ABCC9: variants seen among roughly 807,000 people sequenced by gnomAD.
ABCC9 encodes ATP binding cassette subfamily C member 9, also known as ATP-binding cassette sub-family C member 9.
In ABCC9, 95 loss-of-function variants were observed where a neutral mutation model predicts 188.3. The observed-to-expected ratio is 0.50, with a 90% CI of 0.43 to 0.60. The LOEUF is 0.60. Among genes scored for constraint, ABCC9 ranks in the 20% least tolerant of loss-of-function variants. The pLI, the probability that ABCC9 is intolerant of heterozygous loss-of-function variation, is 0.00. For missense variants in ABCC9, 1,102 were observed against 1,876.3 expected (o/e 0.59, Z 7.62); for synonymous variants, 659 against 652.7 (o/e 1.01, Z -0.15).
chr12:21,846,540 A>G (rs11612085), intron 25 of ABCC9, among the ~76,000 whole-genome samples: 3 of 151,928 alleles, frequency 2.0e-5, no homozygotes, highest in African/African-American at 7.2e-5. Context: ...TACTATATAC[A>G]TATCAGGTTG....
intron 36 of ABCC9, among the ~76,000 whole-genome samples, chr12:21,810,447 A>C (rs1328983942): frequency 6.6e-6 from 1 of 152,164 alleles, no homozygotes. Flanking sequence ...GGTTTAATTG[A>C]CTTGCAGTTC....
chr12:21,827,130 A>G (rs1943428242), intron 31 of ABCC9: 1 of 985,436 alleles, frequency 1.0e-6, no homozygotes, highest in South Asian at 4.7e-5. Flanking sequence ...GTATTGGGTT[A>G]TGAGACAAAC....
chr12:21,882,030 G>A (rs1182723703), intron 16 of ABCC9, among the ~76,000 whole-genome samples: 1 of 152,156 alleles, frequency 6.6e-6, no homozygotes, highest in African/African-American at 2.4e-5. Flanking sequence ...GTGTCAAGGA[G>A]AGAGAGACCT....
At chr12:21,859,921 A>G (rs1487417471) in intron 21 of ABCC9, among the ~76,000 whole-genome samples, 1 of 152,204 alleles carries the variant, frequency 6.6e-6, no homozygotes, top group Non-Finnish European at 1.5e-5. Flanking sequence ...GTACAGAAGC[A>G]TTAATAACCA....
chr12:21,911,566 A>G (rs907998439), intron 8 of ABCC9, among the ~76,000 whole-genome samples: 7 of 152,150 alleles, frequency 4.6e-5, no homozygotes, highest in African/African-American at 1.7e-4. Context: ...AGGATATCCA[A>G]AATTGATTTT....
chr12:21,829,369 T>G (rs1244443068), intron 30 of ABCC9, among the ~76,000 whole-genome samples: 1 of 151,774 alleles, frequency 6.6e-6, no homozygotes, highest in Non-Finnish European at 1.5e-5. Context: ...GCCCGGCTAA[T>G]TTTTTGTATT....
In ABCC9 at chr12:21,818,388, C is replaced by T. The variant is rs555394342; in HGVS notation, c.3670-137G>A. ...CTGTTAAGTTTCAGAGGAAGAATAC[C>T]TAAGATGTAGAAGAATAATAGCTTG... On this transcript the variant is annotated intron_variant, in intron 31 of 39. Transcript: ENST00000261200. The T allele has an allele frequency of 3.6e-5, 26 of 722,886 alleles. 1 individual carries two copies. Among genetic ancestry groups the T allele is most frequent in the African/African-American group, 3.0e-4 (17 of 57,312 alleles). The allele number at this position is 722,886 out of a possible 1,614,324, so 44.8% of individuals were successfully genotyped here.
At chr12:21,939,862 AC>A (rs1379014698) in intron 2 of ABCC9, among the ~76,000 whole-genome samples, 4 of 152,216 alleles carry the variant, frequency 2.6e-5, no homozygotes, top group Non-Finnish European at 5.9e-5. Context: ...TATCTAACTT[AC>A]GATTTCATGG....
At chr12:21,906,052 A>G (rs746525462) in intron 12 of ABCC9, 74 bp downstream of exon 12, 1 of 1,484,280 alleles carries the variant, frequency 6.7e-7, no homozygotes, top group Non-Finnish European at 9.4e-7. Flanking sequence ...ATTGATCACA[A>G]TCTAAACTGA....
chr12:21,845,064 C>G, intron 26 of ABCC9, 149 bp from the exon 27 acceptor site: 1 of 937,968 alleles, frequency 1.1e-6, no homozygotes, highest in Non-Finnish European at 1.6e-6. Flanking sequence ...TTTTTGAGGC[C>G]CAGGGTAGTA....
chr12:21,864,990 C>T (rs1333830462), intron 18 of ABCC9, among the ~76,000 whole-genome samples: 2 of 152,034 alleles, frequency 1.3e-5, no homozygotes, highest in African/African-American at 4.8e-5. Context: ...CAGACATGCA[C>T]CAGAAACCAA....
intron 12 of ABCC9, among the ~76,000 whole-genome samples, chr12:21,905,460 C>T (rs1164983867): frequency 1.3e-5 from 2 of 151,180 alleles, no homozygotes; most frequent in African/African-American, 2.4e-5. Context: ...ACATTTTTAG[C>T]GATTGAGAGT....
chr12:21,803,522 G>A (rs1017728065), intron 39 of ABCC9, among the ~76,000 whole-genome samples: 2 of 151,902 alleles, frequency 1.3e-5, no homozygotes, highest in South Asian at 4.2e-4. Context: ...GGGCATGGTG[G>A]TGCATGCCTG....
chr12:21,914,046 G>A (rs1321468744), intron 7 of ABCC9, among the ~76,000 whole-genome samples: 1 of 152,126 alleles, frequency 6.6e-6, no homozygotes, highest in African/African-American at 2.4e-5. Flanking sequence ...TCCCAGAGGT[G>A]AAACCAGAGA....
chr12:21,811,633 G>A (rs1445150459), intron 36 of ABCC9, among the ~76,000 whole-genome samples: 1 of 151,972 alleles, frequency 6.6e-6, no homozygotes, highest in Non-Finnish European at 1.5e-5. Flanking sequence ...GACTGTAGCA[G>A]CTTTATTCAT....
intron 19 of ABCC9, 73 bp downstream of exon 19, chr12:21,864,366 A>G: frequency 8.8e-7 from 1 of 1,134,662 alleles, no homozygotes; most frequent in East Asian, 2.4e-5. Context: ...AGTAAGCAAA[A>G]TGAGATTAAA....
chr12:21,884,858 G>A (rs1233868973), intron 15 of ABCC9, among the ~76,000 whole-genome samples: 1 of 152,066 alleles, frequency 6.6e-6, no homozygotes, highest in Non-Finnish European at 1.5e-5. Flanking sequence ...AAATACTCCT[G>A]GAAGTACACT....
At chr12:21,852,847 A>G (rs4296081) in intron 22 of ABCC9, among the ~76,000 whole-genome samples, 58,896 of 152,088 alleles carry the variant, frequency 0.39, 11,977 homozygotes, top group Middle Eastern at 0.51. Flanking sequence ...AAAAAGAAAA[A>G]CAAACTTTGT....
intron 7 of ABCC9, among the ~76,000 whole-genome samples, chr12:21,915,082 G>T (rs1387690603): frequency 6.6e-6 from 1 of 151,406 alleles, no homozygotes; most frequent in Non-Finnish European, 1.5e-5. Context: ...TGTATTTTTA[G>T]TAAAGATGGG....
Sources: gnomAD v4.1 joint callset for allele counts (sites outside exome capture counted in the v4.1 genomes callset) on GRCh38, gnomAD v4.1.1 for gene constraint, MANE v1.5 for transcripts, NCBI Gene and HGNC (gene_info 2026-07-23, HGNC 2026-07-21) for gene names.